INSR: variants seen among roughly 807,000 people sequenced by gnomAD.
The protein encoded by INSR is IR.
In INSR, 67 loss-of-function variants were observed where a neutral mutation model predicts 142.6. The ratio of observed to expected loss-of-function variants is 0.47; its 90% CI spans 0.39 to 0.58. The LOEUF (loss-of-function observed/expected upper bound fraction) is 0.58, where lower values mean the gene tolerates loss of function less well. Ranked by LOEUF, INSR falls within the 20% of genes least tolerant of loss-of-function variation. The pLI, the probability that INSR is intolerant of heterozygous loss-of-function variation, is 0.00. For missense variants in INSR, 1,248 were observed against 1,833.2 expected, an observed-to-expected ratio of 0.68 and a Z score of 5.83; for synonymous variants, 756 against 743.1, an observed-to-expected ratio of 1.02 and a Z score of -0.28.
At position 7,276,153 on chromosome 19, in the gene INSR, A is replaced by AT. The variant is rs765205262; in HGVS notation, c.101-8258dup. On this transcript the variant is annotated intron_variant, in intron 1 of 21. Transcript: ENST00000302850. ...AAGGTCCTTGTTCTTCAGTTACAGG[A>AT]TTTTTTTTTTGAGACAGAGTCTTGC... Among the ~76,000 whole-genome samples the AT allele has an allele frequency of 3.3e-4, 49 of 150,128 alleles. No individual in the cohort carries two copies. In the East Asian group the frequency reaches 3.7e-3, roughly 11 times the overall value.
intron 2 of INSR, among the ~76,000 whole-genome samples, chr19:7,233,923 GCATTCTGTCA>G (rs1481383951): frequency 2.0e-5 from 3 of 151,066 alleles, no homozygotes; most frequent in Admixed American, 6.6e-5. Context: ...TGATGTGCCC[GCATTCTGTCA>G]CATTCTGTCA....
chr19:7,213,204 C>T (rs1305829326), intron 2 of INSR, among the ~76,000 whole-genome samples: 1 of 151,836 alleles, frequency 6.6e-6, no homozygotes, highest in Non-Finnish European at 1.5e-5. Context: ...ATTAGCTGGG[C>T]GTGGTGGAGC....
chr19:7,280,574 G>T (rs1358312072), intron 1 of INSR, among the ~76,000 whole-genome samples: 1 of 151,950 alleles, frequency 6.6e-6, no homozygotes, highest in African/African-American at 2.4e-5. Context: ...AAAATTAGCT[G>T]GGCATGGTGG....
rs573374578 is a variant in INSR at position 7,146,674 on chromosome 19, G to A, written c.2268-3584C>T. Among the ~76,000 whole-genome samples, 33 of 152,264 alleles carry A rather than the reference G, an allele frequency of 2.2e-4. 1 individual carries two copies. Among genetic ancestry groups the A allele is most frequent in the African/African-American group, 4.8e-4 (20 of 41,558 alleles). On this transcript the variant is annotated intron_variant, in intron 11 of 21. Coordinates refer to ENST00000302850, the MANE Select transcript of INSR (RefSeq NM_000208.4). ...TTGCTCTCTCACAATTTGAAAGAAC[G>A]TGTCTATAAAACTCTCTGGGCCAAG...
chr19:7,211,896 T>C (rs571987231), intron 2 of INSR, among the ~76,000 whole-genome samples: 18 of 152,312 alleles, frequency 1.2e-4, no homozygotes, highest in African/African-American at 3.8e-4. Context: ...CGCCTTCTCC[T>C]TGTATTCTCA....
At chr19:7,243,155 A>G (rs539535556) in intron 2 of INSR, among the ~76,000 whole-genome samples, 1 of 152,026 alleles carries the variant, frequency 6.6e-6, no homozygotes, top group East Asian at 1.9e-4. Flanking sequence ...ACAGCCCTAC[A>G]AAAATAAAGA....
intron 1 of INSR, chr19:7,268,476 T>C (rs1967810670): frequency 1.0e-6 from 1 of 985,158 alleles, no homozygotes. Context: ...TGAGTTCTCA[T>C]TCTCCTGAAG....
At chr19:7,207,720 C>T (rs12973230) in intron 2 of INSR, among the ~76,000 whole-genome samples, 29,780 of 151,742 alleles carry the variant, frequency 0.2, 3,047 homozygotes, top group Non-Finnish European at 0.22. Context: ...ACCAGAAGTT[C>T]GAGACAAGCC....
chr19:7,221,902 G>A (rs1423826808), intron 2 of INSR, among the ~76,000 whole-genome samples: 4 of 151,876 alleles, frequency 2.6e-5, no homozygotes, highest in Admixed American at 6.6e-5. Context: ...TCGGGATCAA[G>A]TACAATTATA....
chr19:7,249,794 C>T (rs1030062312), intron 2 of INSR, among the ~76,000 whole-genome samples: 3 of 152,132 alleles, frequency 2.0e-5, no homozygotes, highest in African/African-American at 4.8e-5. Context: ...AGATCGAGAC[C>T]ATCCTGGCTA....
intron 2 of INSR, among the ~76,000 whole-genome samples, chr19:7,201,724 G>A (rs1278739108): frequency 1.1e-4 from 16 of 140,212 alleles, no homozygotes; most frequent in East Asian, 6.2e-4. Context: ...GTGCAGTGGC[G>A]CGATCTCGGC....
Position 7,117,164 on chromosome 19 carries a change from G to A in INSR, c.4041C>T (p.Ser1347=). ...CGTAGCTCCGCTTGAAACCCAGCGA[G>A]GACCCTCCATCCCGGCCCCCCGCCT... The part of the protein sequence containing the change: ...REEAGGRDGG[S]SLGFKRSYEE... The change falls in exon 22 of 22, where the codon TCC becomes TCT. Residue 1347 remains serine, a synonymous_variant. Coordinates refer to ENST00000302850, the MANE Select transcript of INSR (RefSeq NM_000208.4). The A allele has an allele frequency of 6.2e-7, 1 of 1,614,070 alleles. No homozygotes were observed. The highest frequency in any genetic ancestry group is 8.5e-7 in the Non-Finnish European group (1 of 1,179,996).
intron 15 of INSR, 45 bp downstream of exon 15, chr19:7,128,807 G>A (rs1462682115): frequency 1.5e-6 from 2 of 1,362,446 alleles, no homozygotes; most frequent in Non-Finnish European, 2.1e-6. Context: ...TTTTCCCCCA[G>A]AGAACCAACT....
At chr19:7,156,578 T>A (rs902600929) in intron 9 of INSR, among the ~76,000 whole-genome samples, 21 of 151,856 alleles carry the variant, frequency 1.4e-4, no homozygotes, top group Admixed American at 3.3e-4. Flanking sequence ...CTCGGGACAG[T>A]CCCACCCCAG....
rs1023627017 is a variant in INSR, at chr19:7,150,459, G to A, written c.2267+38C>T. On this transcript the variant is annotated intron_variant, in intron 11 of 21. Transcript: ENST00000302850. This position sits in a 1 kb window ranked among gnomAD's most constrained non-coding sequence, Gnocchi z 4.2. The stretch of plus-strand genomic sequence containing the variant: ...CTGCCTGGCACGCCGCCGGCCCTGC[G>A]CGGAGCAGGCACCAGGGGTCGCACA... 8 of 1,607,668 alleles carry A rather than the reference G, an allele frequency of 5.0e-6. No individual in the cohort carries two copies. Among genetic ancestry groups the A allele is most frequent in the African/African-American group, 4.0e-5 (3 of 74,818 alleles).
At chr19:7,275,735 C>G (rs187331559) in intron 1 of INSR, among the ~76,000 whole-genome samples, 1 of 150,022 alleles carries the variant, frequency 6.7e-6, no homozygotes. Context: ...TGCAGTGAGC[C>G]GAGATTGTGC....
Position 7,150,023 on chromosome 19 carries a change from C to T in INSR, c.2267+474G>A, listed in dbSNP as rs1192557651. ...ACTCTCCTCCGTGGAATTCAGTGAG[C>T]GACACGGTGTTCTTTTGTTCATACC... On this transcript the variant is annotated intron_variant, in intron 11 of 21. Coordinates refer to ENST00000302850, the MANE Select transcript of INSR (RefSeq NM_000208.4). The surrounding 1 kb of genome is among the most constrained non-coding windows in gnomAD (Gnocchi z 4.2). 2.6e-5 allele frequency among the ~76,000 whole-genome samples: 4 copies of T among 152,118 alleles called. No homozygotes were observed. Among genetic ancestry groups the T allele is most frequent in the Non-Finnish European group, 4.4e-5 (3 of 67,980 alleles).
chr19:7,137,798 CAA>C (rs1176523364), intron 13 of INSR, among the ~76,000 whole-genome samples: 2,463 of 41,048 alleles, frequency 0.06, 1 homozygote, highest in African/African-American at 0.068. Flanking sequence ...GACTCCATCT[CAA>C]AAAAAAAAAA....
rs1178953100 is a variant in INSR at position 7,270,339 on chromosome 19, TCACACACA to T, written c.101-2451_101-2444del. On this transcript the variant is annotated intron_variant, in intron 1 of 21. Transcript: ENST00000302850. ...ATTTCTCTCTCTCTCTCTCTCTCTC[TCACACACA>T]CACACACACACACACACACACACAC... 9.2e-4 allele frequency among the ~76,000 whole-genome samples: 111 copies of T among 120,300 alleles called. 1 individual carries two copies. Among genetic ancestry groups the T allele is most frequent in the Non-Finnish European group, 1.2e-3 (73 of 59,076 alleles). 78.9% of individuals were successfully genotyped at this position (120,300 alleles called of 152,430 possible).
Sources: allele counts gnomAD v4.1 joint callset (sites outside exome capture counted in the v4.1 genomes callset), GRCh38; gene constraint gnomAD v4.1.1; non-coding constraint Gnocchi (gnomAD v3.1); transcripts MANE v1.5; gene names NCBI Gene and HGNC (gene_info 2026-07-23, HGNC 2026-07-21).